Variants in C9orf72 observed in about 807,000 individuals in gnomAD.
The protein encoded by C9orf72 is C9orf72-SMCR8 complex subunit.
Under a neutral mutation model 51.6 loss-of-function variants are expected in C9orf72, and 44 were observed. The observed-to-expected ratio is 0.85, with a 90% CI of 0.67 to 1.10. C9orf72 has a LOEUF of 1.10. Ranked by LOEUF, C9orf72 falls within the 50% of genes least tolerant of loss-of-function variation. The pLI is 0.00. For missense variants in C9orf72, 607 were observed against 570.6 expected, an observed-to-expected ratio of 1.06 and a Z score of -0.65; for synonymous variants, 213 against 194.2, an observed-to-expected ratio of 1.10 and a Z score of -0.81.
intron 5 of C9orf72, 31 bp downstream of exon 5, chr9:27,561,554 A>C (rs1472732414): frequency 6.2e-7 from 1 of 1,609,420 alleles, no homozygotes; most frequent in Non-Finnish European, 8.5e-7. Flanking sequence ...TATCTGCTTC[A>C]TCCAGCTTTT....
At chr9:27,561,453 A>G in intron 5 of C9orf72, 132 bp downstream of exon 5, 1 of 1,319,726 alleles carries the variant, frequency 7.6e-7, no homozygotes, top group Non-Finnish European at 9.6e-7. Context: ...TTTAAGCAAC[A>G]GTTCAAATAC....
intron 3 of C9orf72, among the ~76,000 whole-genome samples, chr9:27,562,872 T>C (rs993638638): frequency 3.3e-5 from 5 of 152,134 alleles, no homozygotes; most frequent in African/African-American, 9.6e-5. Flanking sequence ...GGTTTCGCCA[T>C]GTTGGCCAGG....
chr9:27,565,361 C>A lies in C9orf72; in HGVS notation c.504+170G>T, dbSNP rs191120657. Among the ~76,000 whole-genome samples the A allele has an allele frequency of 1.1e-3, 171 of 152,094 alleles. No homozygotes were observed. The South Asian group carries it at 0.018, about 16-fold the overall frequency. ...TTTTCCTTTGTTTACTGATTTAACT[C>A]TTTGGGTTTAAGATATGGAAATCTT... On this transcript the variant is annotated intron_variant, in intron 3 of 10. Coordinates refer to ENST00000380003, the MANE Select transcript of C9orf72 (RefSeq NM_018325.5).
rs1820973204 is a variant in C9orf72 at position 27,554,617 on chromosome 9, C to T, written c.1091+1944G>A. On this transcript the variant is annotated intron_variant, in intron 8 of 10. Transcript: ENST00000380003. The stretch of plus-strand genomic sequence containing the variant: ...CCTGTATAACACACCTGCACATGTA[C>T]ACATGAACCTAAAATAAAAGTCAAA... 45 of 398,264 alleles carry T rather than the reference C, an allele frequency of 1.1e-4. No individual in the cohort carries two copies. The East Asian group carries it at 1.6e-3, about 14-fold the overall frequency. The allele number at this position is 398,264 out of a possible 1,614,324, so 24.7% of individuals were successfully genotyped here.
chr9:27,564,156 C>CAAAAAAAAA (rs11438223), intron 3 of C9orf72, among the ~76,000 whole-genome samples: 6 of 86,724 alleles, frequency 6.9e-5, no homozygotes, highest in Admixed American at 1.3e-4. Context: ...TCAACAACAC[C>CAAAAAAAAA]AAAAAAAAAA....
intron 10 of C9orf72, 49 bp downstream of exon 10, chr9:27,548,507 CA>C: frequency 3.4e-6 from 4 of 1,182,262 alleles, no homozygotes; most frequent in South Asian, 1.7e-5. Flanking sequence ...GGAAACAAAA[CA>C]AAAAAACAAT....
Position 27,547,941 on chromosome 9 carries a change from T to C in C9orf72, c.*295A>G, listed in dbSNP as rs1335372592. ...TCATGTATTTCAAAAAAACAGTAGT[T>C]GTGGTCAAGTTTACATCCTATTATT... is the stretch of plus-strand genomic sequence containing the variant. On this transcript the variant is annotated 3_prime_UTR_variant, in exon 11 of 11. Coordinates refer to ENST00000380003, the MANE Select transcript of C9orf72 (RefSeq NM_018325.5). 4 of 196,108 alleles carry C rather than the reference T, an allele frequency of 2.0e-5. No homozygotes were observed. In the Admixed American group the frequency reaches 2.4e-4, roughly 12 times the overall value. 12.1% of individuals were successfully genotyped at this position (196,108 alleles called of 1,614,324 possible).
chr9:27,554,033 G>A (rs1434277770), intron 8 of C9orf72, among the ~76,000 whole-genome samples: 1 of 152,184 alleles, frequency 6.6e-6, no homozygotes, highest in Non-Finnish European at 1.5e-5. Flanking sequence ...TGGCAAGGTT[G>A]TGGAGAAAAG....
At position 27,548,332 on chromosome 9, in the gene C9orf72, A is replaced by G. The variant is rs375040006; in HGVS notation, c.1350T>C (p.Ala450=). 5.0e-6 allele frequency: 8 copies of G among 1,611,186 alleles called. No individual in the cohort carries two copies. The Admixed American group carries it at 6.7e-5, about 13-fold the overall frequency. The stretch of plus-strand genomic sequence containing the variant: ...GGCCTGGTTTAATTTTCTCAGCCAG[A>G]GCCATTATTATGTTAAGATCGCCCT... ...TAEGDLNIIM[A]LAEKIKPGLH... is the part of the protein sequence containing the mutation. Residue 450 remains alanine, a synonymous_variant, in exon 11 of 11, where the codon GCT becomes GCC. Transcript: ENST00000380003.
At position 27,550,643 on chromosome 9, in the gene C9orf72, C is replaced by T. The variant is rs1256415348; in HGVS notation, c.1149+7G>A. The T allele has an allele frequency of 1.3e-6, 2 of 1,562,280 alleles. No homozygotes were observed. The highest frequency in any genetic ancestry group is 2.3e-5 in the East Asian group (1 of 43,902). On this transcript the variant is annotated splice_region_variant and intron_variant, in intron 9 of 10. Coordinates refer to ENST00000380003, the MANE Select transcript of C9orf72 (RefSeq NM_018325.5). ...TTCACTCTGACAATCTCAAGTTCAA[C>T]ATTTACCTGATCCAGGAAGGCTTTC...
At chr9:27,572,492 G>C (rs1323515198) in intron 1 of C9orf72, among the ~76,000 whole-genome samples, 1 of 150,328 alleles carries the variant, frequency 6.7e-6, no homozygotes, top group Non-Finnish European at 1.5e-5. Context: ...TTGTACAAAA[G>C]TAGAAGTAAT....
intron 8 of C9orf72, among the ~76,000 whole-genome samples, chr9:27,554,066 G>A (rs948516124): frequency 2.6e-5 from 4 of 152,124 alleles, no homozygotes; most frequent in African/African-American, 7.2e-5. Flanking sequence ...CACTGCTGGC[G>A]GGACTGTAAA....
At chr9:27,559,768 T>A (rs1819295874) in intron 6 of C9orf72, 1 of 152,154 alleles carries the variant, frequency 6.6e-6, no homozygotes, top group Admixed American at 6.5e-5. Context: ...CATTACTGAA[T>A]AAAGTATAAT....
rs753432326 is a variant in C9orf72, at chr9:27,548,275, G to A, written c.1407C>T (p.Tyr469=). 1 of 1,612,564 alleles carries A rather than the reference G, an allele frequency of 6.2e-7. No individual in the cohort carries two copies. Among genetic ancestry groups the A allele is most frequent in the Non-Finnish European group, 8.5e-7 (1 of 1,179,192 alleles). ...LHSFIFGRPF[Y]TSVQERDVLM... ...GAACATCTCGTTCTTGCACACTAGT[G>A]TAGAAAGGTCTTCCAAAGATAAAAG... The change falls in exon 11 of 11, where the codon TAC becomes TAT. Residue 469 remains tyrosine, a synonymous_variant. Transcript: ENST00000380003.
intron 6 of C9orf72, chr9:27,559,465 T>C (rs1819289401): frequency 6.6e-6 from 1 of 152,048 alleles, no homozygotes; most frequent in African/African-American, 2.4e-5. Flanking sequence ...TAAATGGTTA[T>C]ATGAGAAATA....
intron 3 of C9orf72, among the ~76,000 whole-genome samples, chr9:27,564,767 A>G (rs1439197281): frequency 6.6e-6 from 1 of 152,174 alleles, no homozygotes; most frequent in Non-Finnish European, 1.5e-5. Flanking sequence ...CATGTTTAAA[A>G]TATTGGAGTT....
intron 3 of C9orf72, among the ~76,000 whole-genome samples, chr9:27,563,818 TATC>T (rs1196219011): frequency 6.6e-6 from 1 of 152,164 alleles, no homozygotes; most frequent in Non-Finnish European, 1.5e-5. Context: ...AAGTAATAAT[TATC>T]ATGCCTGTTT....
At chr9:27,561,420 T>A in intron 5 of C9orf72, 165 bp downstream of exon 5, 3 of 1,402,994 alleles carry the variant, frequency 2.1e-6, no homozygotes, top group Non-Finnish European at 2.8e-6. Context: ...TATAGAAATA[T>A]AATGAGTGAA....
At chr9:27,570,921 G>C (rs1819573135) in intron 1 of C9orf72, among the ~76,000 whole-genome samples, 1 of 151,836 alleles carries the variant, frequency 6.6e-6, no homozygotes, top group South Asian at 2.1e-4. Flanking sequence ...GAAAATGAAG[G>C]ACAAAGATCA....
Sources: allele counts gnomAD v4.1 joint callset (sites outside exome capture counted in the v4.1 genomes callset), GRCh38; gene constraint gnomAD v4.1.1; transcripts MANE v1.5; gene names NCBI Gene and HGNC (gene_info 2026-07-23, HGNC 2026-07-21).